The following MED13L variants were observed in gnomAD, a reference collection of about 807,000 sequenced individuals.
MED13L encodes the protein mediator of RNA polymerase II transcription subunit 13-like.
MED13L carries 7 observed loss-of-function variants against 220.9 expected under a neutral mutation model. The observed-to-expected ratio is 0.03, with a 90% CI of 0.02 to 0.06. The LOEUF (loss-of-function observed/expected upper bound fraction) is 0.06, where lower values mean the gene tolerates loss of function less well. Ranked by LOEUF, MED13L falls within the 10% of genes least tolerant of loss-of-function variation. The pLI is 1.00. For missense variants in MED13L, 1,965 were observed against 2,760.5 expected (o/e 0.71, Z 6.46); for synonymous variants, 1,011 against 1,015.2 (o/e 1.00, Z 0.08).
chr12:116,234,903 T>G (rs1255626048), intron 2 of MED13L, among the ~76,000 whole-genome samples: 3 of 151,990 alleles, frequency 2.0e-5, no homozygotes, highest in African/African-American at 7.3e-5. Flanking sequence ...CCTCAAGCAT[T>G]TGGGCCCCCT....
chr12:116,043,766 C>G (rs567606762), intron 4 of MED13L, among the ~76,000 whole-genome samples: 1 of 152,186 alleles, frequency 6.6e-6, no homozygotes, highest in Non-Finnish European at 1.5e-5. Context: ...GCAGATTCTT[C>G]TCCATCCCAA....
At chr12:116,275,457 C>G (rs1873739729) in intron 1 of MED13L, among the ~76,000 whole-genome samples, 1 of 152,110 alleles carries the variant, frequency 6.6e-6, no homozygotes, top group African/African-American at 2.4e-5. Context: ...GATACTATGT[C>G]TTTGTAGGTA....
At chr12:116,273,367 A>G (rs1022160841) in intron 1 of MED13L, among the ~76,000 whole-genome samples, 1 of 152,190 alleles carries the variant, frequency 6.6e-6, no homozygotes, top group East Asian at 1.9e-4. Flanking sequence ...TTAAACATAA[A>G]TTATAAAATC....
At chr12:116,023,615 A>AAAATGTTTCTCTATCACAT in intron 4 of MED13L, among the ~76,000 whole-genome samples, 1 of 152,294 alleles carries the variant, frequency 6.6e-6, no homozygotes, top group Non-Finnish European at 1.5e-5. Context: ...AAATAAAATT[A>AAAATGTTTCTCTATCACAT]AAATGTTTCT....
chr12:115,971,809 G>T (rs1193113498), intron 26 of MED13L, among the ~76,000 whole-genome samples: 4 of 152,138 alleles, frequency 2.6e-5, no homozygotes, highest in Non-Finnish European at 5.9e-5. Flanking sequence ...ACAAACTGGG[G>T]TCAGGTAACA....
intron 1 of MED13L, among the ~76,000 whole-genome samples, chr12:116,249,734 C>CA (rs58809334): frequency 0.011 from 220 of 19,622 alleles, 39 homozygotes; most frequent in Non-Finnish European, 0.014. Context: ...AGTACCTACC[C>CA]AAAAAAAAAA....
rs1161997076 is a variant in MED13L, at chr12:116,024,776, G to A, written c.480-2175C>T. ...TTCATGCTTTTTTTTGGCGGGGCGG[G>A]GGGGGGGGGGAGGTGATCTTGTTTT... is the stretch of plus-strand genomic sequence containing the variant. On this transcript the variant is annotated intron_variant, in intron 4 of 30. Transcript: ENST00000281928. Among the ~76,000 whole-genome samples the A allele has an allele frequency of 6.1e-5, 6 of 98,284 alleles. 1 individual carries two copies. The highest frequency in any genetic ancestry group is 1.9e-4 in the African/African-American group (5 of 26,226). The allele number at this position is 98,284 out of a possible 152,430, so 64.5% of individuals were successfully genotyped here.
chr12:116,117,393 C>T (rs951629291), intron 2 of MED13L, among the ~76,000 whole-genome samples: 16 of 151,926 alleles, frequency 1.1e-4, no homozygotes, highest in South Asian at 2.1e-4. Flanking sequence ...TGTGCAAACG[C>T]GCAGAAATAT....
Position 116,222,606 on chromosome 12 carries a change from G to A in MED13L, c.310+14862C>T, listed in dbSNP as rs531285844. On this transcript the variant is annotated intron_variant, in intron 2 of 30. Coordinates refer to ENST00000281928, the MANE Select transcript of MED13L (RefSeq NM_015335.5). The stretch of plus-strand genomic sequence containing the variant: ...TTGAGCATCTTCTGGGAAACATGGC[G>A]GCATTTCAGGTGTTGCCAAACCAAA... Among the ~76,000 whole-genome samples, 12 of 152,246 alleles carry A rather than the reference G, an allele frequency of 7.9e-5. No homozygotes were observed. The South Asian group carries it at 2.1e-3, about 26-fold the overall frequency.
At chr12:116,014,879 C>CAGT (rs1879630451) in intron 8 of MED13L, among the ~76,000 whole-genome samples, 2 of 152,280 alleles carry the variant, frequency 1.3e-5, no homozygotes, top group Admixed American at 6.5e-5. Flanking sequence ...CCAATCTGTA[C>CAGT]AGTATCAGGA....
intron 4 of MED13L, among the ~76,000 whole-genome samples, chr12:116,070,799 T>A (rs1870309497): frequency 6.6e-6 from 1 of 152,194 alleles, no homozygotes; most frequent in African/African-American, 2.4e-5. Context: ...ACTTTAGGAA[T>A]TTAGAAGAAA....
intron 2 of MED13L, among the ~76,000 whole-genome samples, chr12:116,224,041 A>G (rs1016154226): frequency 1.3e-5 from 2 of 152,226 alleles, no homozygotes; most frequent in Non-Finnish European, 2.9e-5. Flanking sequence ...AAGCGAGCAC[A>G]TGTACCAGGC....
At chr12:116,045,068 G>A (rs1214267257) in intron 4 of MED13L, among the ~76,000 whole-genome samples, 1 of 152,206 alleles carries the variant, frequency 6.6e-6, no homozygotes, top group Non-Finnish European at 1.5e-5. Flanking sequence ...GCAAGGAAAA[G>A]AGGGGGCCCC....
chr12:116,123,691 C>T (rs1320906261), intron 2 of MED13L, among the ~76,000 whole-genome samples: 1 of 152,058 alleles, frequency 6.6e-6, no homozygotes, highest in Non-Finnish European at 1.5e-5. Context: ...ATGAGTAATC[C>T]TTGCAGCTGT....
intron 4 of MED13L, among the ~76,000 whole-genome samples, chr12:116,043,309 G>A (rs1016767641): frequency 6.6e-6 from 1 of 152,184 alleles, no homozygotes; most frequent in Non-Finnish European, 1.5e-5. Context: ...CAATGCACTT[G>A]TAATTCTTCC....
chr12:116,187,121 G>A (rs1370202376), intron 2 of MED13L, among the ~76,000 whole-genome samples: 1 of 152,136 alleles, frequency 6.6e-6, no homozygotes, highest in Non-Finnish European at 1.5e-5. Context: ...CCAGCTCACC[G>A]ATTCCAGGCT....
At chr12:116,072,144 A>G (rs1870421416) in intron 4 of MED13L, among the ~76,000 whole-genome samples, 1 of 152,228 alleles carries the variant, frequency 6.6e-6, no homozygotes, top group African/African-American at 2.4e-5. Flanking sequence ...CAAATAACAC[A>G]GTACACAAGT....
At chr12:116,165,329 T>C (rs1484074974) in intron 2 of MED13L, among the ~76,000 whole-genome samples, 4 of 146,318 alleles carry the variant, frequency 2.7e-5, no homozygotes, top group African/African-American at 5.2e-5. Flanking sequence ...CTATGTCCAC[T>C]TTTTTGTTTG....
At chr12:116,221,316 G>A (rs754410338) in intron 2 of MED13L, among the ~76,000 whole-genome samples, 3 of 151,232 alleles carry the variant, frequency 2.0e-5, no homozygotes, top group African/African-American at 4.9e-5. Context: ...CTAGATTGCA[G>A]TGAGCTGTGA....
Sources: gnomAD v4.1 joint callset for allele counts (sites outside exome capture counted in the v4.1 genomes callset) on GRCh38, gnomAD v4.1.1 for gene constraint, MANE v1.5 for transcripts, NCBI Gene and HGNC (gene_info 2026-07-23, HGNC 2026-07-21) for gene names.